The following C10orf105 variants were observed in gnomAD, a reference collection of about 807,000 sequenced individuals.
C10orf105 encodes the protein uncharacterized protein C10orf105.
C10orf105 carries 2 observed loss-of-function variants against 0.6 expected under a neutral mutation model. The observed-to-expected ratio is 3.18, with a 90% CI of 1.30 to 10.01. C10orf105 has a LOEUF of 10.01. Ranked by LOEUF, C10orf105 falls within the 30% of genes most tolerant of loss-of-function variation. The pLI is 0.04. For synonymous variants in C10orf105, 95 were observed against 82.4 expected, an observed-to-expected ratio of 1.15 and a Z score of -0.83; for missense variants, 209 against 191.4, an observed-to-expected ratio of 1.09 and a Z score of -0.54.
upstream of C10orf105, among the ~76,000 whole-genome samples, chr10:71,720,546 A>G (rs1866509408): frequency 6.6e-6 from 1 of 152,102 alleles, no homozygotes; most frequent in East Asian, 1.9e-4. Flanking sequence ...CTTCCCCACC[A>G]GGGACCTCCA....
intron 1 of C10orf105, chr10:71,730,353 G>A: frequency 1.5e-6 from 2 of 1,344,756 alleles, no homozygotes; most frequent in Non-Finnish European, 2.0e-6. Flanking sequence ...CCTAGAGGGA[G>A]CTCACAGCAG....
At chr10:71,724,189 G>A, upstream of C10orf105, 1 of 1,455,338 alleles carries the variant, frequency 6.9e-7, no homozygotes, top group Non-Finnish European at 9.4e-7. Context: ...AGGTCTGGGA[G>A]ATGAGGCCAA....
chr10:71,729,212 A>G (rs951152586), intron 1 of C10orf105, among the ~76,000 whole-genome samples: 1 of 152,226 alleles, frequency 6.6e-6, no homozygotes, highest in Non-Finnish European at 1.5e-5. Flanking sequence ...AGTGCTGGTA[A>G]GCGGTGAGGA....
chr10:71,735,010 C>T (rs1412432070), intron 1 of C10orf105, among the ~76,000 whole-genome samples: 6 of 152,242 alleles, frequency 3.9e-5, no homozygotes, highest in African/African-American at 1.4e-4. Flanking sequence ...GCTTCCCTTC[C>T]TCGGGTCTAA....
chr10:71,725,311 C>A, intron 1 of C10orf105: 6 of 1,611,756 alleles, frequency 3.7e-6, no homozygotes, highest in Non-Finnish European at 4.2e-6. Context: ...CATGGCAGGC[C>A]AGCACAGCAG....
upstream of C10orf105, among the ~76,000 whole-genome samples, chr10:71,724,707 C>G (rs182701575): frequency 3.9e-5 from 6 of 152,346 alleles, no homozygotes; most frequent in Admixed American, 3.9e-4. Flanking sequence ...CCCCCAGCAG[C>G]ACGCTCCCCA....
chr10:71,721,593 G>A (rs993950575), upstream of C10orf105, among the ~76,000 whole-genome samples: 2 of 152,090 alleles, frequency 1.3e-5, no homozygotes, highest in African/African-American at 2.4e-5. Context: ...CCTGACCCAG[G>A]GCCCTTGTTC....
chr10:71,715,644 G>A lies in C10orf105; in HGVS notation c.*292C>T, dbSNP rs1866181161. 1 of 295,656 alleles carries A rather than the reference G, an allele frequency of 3.4e-6. No individual in the cohort carries two copies. Among genetic ancestry groups the A allele is most frequent in the South Asian group, 1.3e-4 (1 of 7,996 alleles). 18.3% of individuals were successfully genotyped at this position (295,656 alleles called of 1,614,324 possible). The stretch of plus-strand genomic sequence containing the variant: ...AGGAGGTGGTTACGAGCCCCAGGTT[G>A]TACCCTGTGGAGCCTCAGGCCAAAG... On this transcript the variant is annotated 3_prime_UTR_variant, in exon 2 of 2. Transcript: ENST00000441508.
At chr10:71,725,346 T>G (rs1460267650) in intron 1 of C10orf105, 2 of 1,613,890 alleles carry the variant, frequency 1.2e-6, no homozygotes, top group Non-Finnish European at 1.7e-6. Context: ...GGGCCGGTGT[T>G]CCAGGGGGTC....
rs944733627 is a variant in C10orf105, at chr10:71,715,932, C to T, written c.*4G>A. The T allele has an allele frequency of 1.6e-5, 23 of 1,457,978 alleles. 1 individual carries two copies. In the Middle Eastern group the frequency reaches 5.4e-4, roughly 34 times the overall value. The allele number at this position is 1,457,978 out of a possible 1,614,324, so 90.3% of individuals were successfully genotyped here. ...GATGTGGGGGCATGTTTGTGGACAC[C>T]CCATTACATCTTGGTAGATTCCATG... On this transcript the variant is annotated 3_prime_UTR_variant, in exon 2 of 2. Transcript: ENST00000441508.
intron 1 of C10orf105, chr10:71,716,710 A>G (rs546061898): frequency 2.0e-5 from 4 of 197,968 alleles, no homozygotes; most frequent in South Asian, 3.7e-4. Flanking sequence ...CTCTGTGGCC[A>G]GGAACGAGTT....
rs145999424 is a variant in C10orf105, at chr10:71,712,284, C to T, written c.*3652G>A. ...TTAACGTAATTACATTTTCAAAGGC[C>T]CTTTTCCCAAATAAATTAATCTTCA... On this transcript the variant is annotated 3_prime_UTR_variant, in exon 2 of 2. Coordinates refer to ENST00000441508, the MANE Select transcript of C10orf105 (RefSeq NM_001164375.3). 13 of 183,732 alleles carry T rather than the reference C, an allele frequency of 7.1e-5. No individual in the cohort carries two copies. The East Asian group carries it at 1.7e-3, about 25-fold the overall frequency. The allele number at this position is 183,732 out of a possible 1,614,324, so 11.4% of individuals were successfully genotyped here. A position where few individuals can be genotyped will look rare whatever the true frequency, so the allele number is the denominator to read the frequency against.
chr10:71,712,504 T>G lies in C10orf105; in HGVS notation c.*3432A>C, dbSNP rs1866014033. 1.5e-6 allele frequency: 1 copy of G among 670,128 alleles called. No individual in the cohort carries two copies. Among genetic ancestry groups the G allele is most frequent in the Admixed American group, 2.7e-5 (1 of 36,958 alleles). The allele number at this position is 670,128 out of a possible 1,614,324, so 41.5% of individuals were successfully genotyped here. A position where few individuals can be genotyped will look rare whatever the true frequency, so the allele number is the denominator to read the frequency against. ...ATCTAAGTATTTGATACTGTTAGTG[T>G]TATTCCTAAGCTAAAAAGGAAGTCA... On this transcript the variant is annotated 3_prime_UTR_variant, in exon 2 of 2. Transcript: ENST00000441508.
chr10:71,715,958 T>G lies in C10orf105; in HGVS notation c.380A>C (p.Tyr127Ser). 3 of 1,477,232 alleles carry G rather than the reference T, an allele frequency of 2.0e-6. No homozygotes were observed. The highest frequency in any genetic ancestry group is 2.7e-6 in the Non-Finnish European group (3 of 1,114,100). 91.5% of individuals were successfully genotyped at this position (1,477,232 alleles called of 1,614,324 possible). A position where few individuals can be genotyped will look rare whatever the true frequency, so the allele number is the denominator to read the frequency against. The change falls in exon 2 of 2, where the codon TAC (tyrosine) becomes TCC (serine). Residue 127 changes from tyrosine (Y) to serine (S), a missense_variant. Tyr to Ser is a moderately radical substitution (Grantham distance 144). Coordinates refer to ENST00000441508, the MANE Select transcript of C10orf105 (RefSeq NM_001164375.3). ...CCATTACATCTTGGTAGATTCCATG[T>G]AGTCACAGTGGCTGCGGTTGTCCTC... The part of the protein sequence containing the change: ...GPEDNRSHCD[Y>S]MESTKM
At chr10:71,721,517 G>A (rs1400456969), upstream of C10orf105, among the ~76,000 whole-genome samples, 1 of 152,202 alleles carries the variant, frequency 6.6e-6, no homozygotes, top group Non-Finnish European at 1.5e-5. Flanking sequence ...GCTCAAGGGG[G>A]CTAAAGTACT....
rs1455450564 is a variant in C10orf105, at chr10:71,730,495, C to T, written c.-6+7233G>A. ...TGATTGTGTACGTGGAGGACATCAACGATGAGGCCCCCGTGTTCACACAGC... is the reference window on the plus strand; with the variant it reads ...TGATTGTGTACGTGGAGGACATCAATGATGAGGCCCCCGTGTTCACACAGC... On this transcript the variant is annotated intron_variant, in intron 1 of 1. Transcript: ENST00000398786. The T allele has an allele frequency of 5.0e-6, 8 of 1,613,898 alleles. No individual in the cohort carries two copies. Among genetic ancestry groups the T allele is most frequent in the South Asian group, 3.3e-5 (3 of 91,076 alleles).
rs141415956 is a variant in C10orf105 at position 71,732,822 on chromosome 10, G to A, written c.-6+4906C>T. 19 of 515,982 alleles carry A rather than the reference G, an allele frequency of 3.7e-5. No individual in the cohort carries two copies. The East Asian group carries it at 1.1e-3, about 29-fold the overall frequency. The allele number at this position is 515,982 out of a possible 1,614,324, so 32.0% of individuals were successfully genotyped here. ...GTGTGTGGGGTTTTCCCCCATTATC[G>A]GCAACCAATTATCTGACTCTCTTGA... On this transcript the variant is annotated intron_variant, in intron 1 of 1. Transcript: ENST00000398786.
rs773262846 is a variant in C10orf105, at chr10:71,732,325, G to A, written c.-6+5403C>T. The A allele has an allele frequency of 9.4e-6, 15 of 1,592,508 alleles. No individual in the cohort carries two copies. The Middle Eastern group carries it at 5.0e-4, about 53-fold the overall frequency. On this transcript the variant is annotated intron_variant, in intron 1 of 1. Transcript: ENST00000398786. ...CAACCAAATCACGTACCGCTTCAAC[G>A]CCTACACCAGCACCCAGGCCAAAGC...
chr10:71,732,548 C>T, intron 1 of C10orf105: 2 of 1,319,356 alleles, frequency 1.5e-6, no homozygotes, highest in Non-Finnish European at 2.0e-6. Flanking sequence ...AGGAAGATTG[C>T]TTCAGCTCAG....
Sources: gnomAD v4.1 joint callset for allele counts (sites outside exome capture counted in the v4.1 genomes callset) on GRCh38, gnomAD v4.1.1 for gene constraint, MANE v1.5 for transcripts, NCBI Gene and HGNC (gene_info 2026-07-23, HGNC 2026-07-21) for gene names.